Variants in IPO7 observed in about 807,000 individuals in gnomAD.
IPO7 encodes importin-7.
A neutral mutation model predicts 136.4 loss-of-function variants in IPO7; 13 were observed. That is an observed-to-expected ratio of 0.10 (90% CI 0.06 to 0.15). The LOEUF (loss-of-function observed/expected upper bound fraction) is 0.15. Ranked by LOEUF, IPO7 falls within the 10% of genes least tolerant of loss-of-function variation. The probability of loss-of-function intolerance (pLI) is 1.00; values close to 1 mark genes in which losing one functional copy is unlikely to be tolerated. For synonymous variants in IPO7, 403 were observed against 404.4 expected (o/e 1.00, Z 0.04); for missense variants, 857 against 1,240.6 (o/e 0.69, Z 4.65).
At chr11:9,412,392 T>A (rs4910465) in intron 4 of IPO7, among the ~76,000 whole-genome samples, 66,097 of 152,126 alleles carry the variant, frequency 0.43, 17,033 homozygotes, top group Non-Finnish European at 0.57. Flanking sequence ...TGGGATGTGC[T>A]ATGGAAAACC....
chr11:9,403,164 C>G, intron 1 of IPO7, 126 bp from the exon 2 acceptor site: 3 of 689,604 alleles, frequency 4.4e-6, no homozygotes, highest in Non-Finnish European at 7.7e-6. Flanking sequence ...AGAAATAAGA[C>G]TGGAACCAGT....
chr11:9,387,519 A>G (rs1854568242), intron 1 of IPO7, among the ~76,000 whole-genome samples: 1 of 152,126 alleles, frequency 6.6e-6, no homozygotes, highest in South Asian at 2.1e-4. Context: ...TGTCATACAT[A>G]TTTGGCTTAC....
At chr11:9,398,681 A>G (rs1854750005) in intron 1 of IPO7, among the ~76,000 whole-genome samples, 1 of 152,252 alleles carries the variant, frequency 6.6e-6, no homozygotes, top group Non-Finnish European at 1.5e-5. Flanking sequence ...CGTAATGATC[A>G]AATCAGGGTA....
At chr11:9,431,673 A>T (rs556324334) in intron 16 of IPO7, among the ~76,000 whole-genome samples, 22 of 152,106 alleles carry the variant, frequency 1.4e-4, no homozygotes, top group Non-Finnish European at 2.2e-4. Context: ...TCCATTTTTT[A>T]AAAAATCCAT....
rs763129903 is a variant in IPO7 at position 9,437,903 on chromosome 11, C to G, written c.2418C>G (p.Phe806Leu). 3 of 1,613,860 alleles carry G rather than the reference C, an allele frequency of 1.9e-6. No homozygotes were observed. Among genetic ancestry groups the G allele is most frequent in the Non-Finnish European group, 2.5e-6 (3 of 1,179,826 alleles). The change falls in exon 21 of 25, where the codon TTC (phenylalanine) becomes TTG (leucine). Residue 806 changes from phenylalanine (F) to leucine (L), a missense_variant. Coordinates refer to ENST00000379719, the MANE Select transcript of IPO7 (RefSeq NM_006391.3). The part of the protein sequence containing the change: ...LLLNTLENLR[F>L]PNNVEPVTNH... The stretch of plus-strand genomic sequence containing the variant: ...TCAATACCTTAGAAAATCTTCGCTT[C>G]CCTAATAATGTTGAACCAGTTACAA...
At chr11:9,390,784 T>G (rs1564990180) in intron 1 of IPO7, among the ~76,000 whole-genome samples, 2 of 152,218 alleles carry the variant, frequency 1.3e-5, no homozygotes, top group African/African-American at 2.4e-5. Flanking sequence ...AAAATTTTTT[T>G]TTTTAGCCAG....
At chr11:9,391,598 T>C (rs1854633861) in intron 1 of IPO7, among the ~76,000 whole-genome samples, 1 of 151,940 alleles carries the variant, frequency 6.6e-6, no homozygotes, top group Non-Finnish European at 1.5e-5. Flanking sequence ...TTCCACCTAC[T>C]CAGGAGGCTG....
At chr11:9,435,500 G>A (rs1321687977) in intron 19 of IPO7, among the ~76,000 whole-genome samples, 1 of 152,160 alleles carries the variant, frequency 6.6e-6, no homozygotes, top group Non-Finnish European at 1.5e-5. Context: ...TTAATTTCTA[G>A]CAATGTCTGT....
In IPO7 at chr11:9,410,010, T is replaced by G; in HGVS notation, c.403T>G (p.Phe135Val). ...RWTAIVDKIG[F>V]YLQSDNSACW... ...GACTGCCATTGTGGACAAAATTGGC[T>G]TTTATCTTCAGTCCGATAACAGTGC... is the stretch of plus-strand genomic sequence containing the variant. Residue 135 changes from phenylalanine to valine, a missense_variant, in exon 4 of 25, where the codon TTT becomes GTT. Around this residue, in one of 11 missense-constraint regions of IPO7, gnomAD observed 287 missense variants for 307.5 expected, o/e 0.93. Coordinates refer to ENST00000379719, the MANE Select transcript of IPO7 (RefSeq NM_006391.3). The G allele has an allele frequency of 6.8e-6, 11 of 1,608,200 alleles. No individual in the cohort carries two copies. Among genetic ancestry groups the G allele is most frequent in the Non-Finnish European group, 9.3e-6 (11 of 1,177,692 alleles).
chr11:9,438,250 A>G lies in IPO7; in HGVS notation c.2660A>G (p.Asp887Gly). 6.3e-7 allele frequency: 1 copy of G among 1,575,602 alleles called. No homozygotes were observed. The highest frequency in any genetic ancestry group is 8.7e-7 in the Non-Finnish European group (1 of 1,146,570). The change falls in exon 22 of 25, where the codon GAT becomes GGT. Residue 887 changes from aspartate (D) to glycine (G), a missense_variant. Transcript: ENST00000379719. Reference sequence around the variant, plus strand: ...CATGCAGAACATGAGAATGACAGTGATGATGATGATGAAGCTGAAGATGAT... The same window carrying G: ...CATGCAGAACATGAGAATGACAGTGGTGATGATGATGAAGCTGAAGATGAT... ...ACHAEHENDS[D>G]DDDEAEDDDE...
At chr11:9,424,131 C>G (rs1855171010) in intron 10 of IPO7, among the ~76,000 whole-genome samples, 1 of 152,140 alleles carries the variant, frequency 6.6e-6, no homozygotes, top group Non-Finnish European at 1.5e-5. Context: ...CAAGATTACA[C>G]CTCAACACTA....
chr11:9,430,166 A>C (rs139445976), intron 15 of IPO7, among the ~76,000 whole-genome samples: 404 of 152,218 alleles, frequency 2.7e-3, no homozygotes, highest in East Asian at 0.011. Flanking sequence ...TGCTCCTAAC[A>C]GGCCATGGAC....
chr11:9,385,739 C>G (rs1854543815), intron 1 of IPO7, among the ~76,000 whole-genome samples: 1 of 151,808 alleles, frequency 6.6e-6, no homozygotes, highest in African/African-American at 2.4e-5. Flanking sequence ...TTTTTTTCCC[C>G]CATATTTTGT....
intron 22 of IPO7, among the ~76,000 whole-genome samples, chr11:9,438,629 TAA>T (rs199574856): frequency 1.3e-5 from 2 of 150,672 alleles, no homozygotes; most frequent in Non-Finnish European, 3.0e-5. Context: ...CATCTCAGAT[TAA>T]AAAAAAATAT....
chr11:9,421,952 G>C (rs1855138194), intron 8 of IPO7, among the ~76,000 whole-genome samples: 1 of 150,750 alleles, frequency 6.6e-6, no homozygotes, highest in African/African-American at 2.4e-5. Flanking sequence ...TCAAAAAAAA[G>C]AAAACTTGTT....
chr11:9,440,742 T>G, intron 23 of IPO7, 81 bp downstream of exon 23: 1 of 1,139,164 alleles, frequency 8.8e-7, no homozygotes, highest in Non-Finnish European at 1.3e-6. Flanking sequence ...AGGAAGAGTT[T>G]GGAGGATATC....
Position 9,402,313 on chromosome 11 carries a change from T to C in IPO7, c.85-977T>C, listed in dbSNP as rs1394573593. Among the ~76,000 whole-genome samples, 6 of 136,476 alleles carry C rather than the reference T, an allele frequency of 4.4e-5. No homozygotes were observed. In the Admixed American group the frequency reaches 5.2e-4, roughly 12 times the overall value. The allele number at this position is 136,476 out of a possible 152,430, so 89.5% of individuals were successfully genotyped here. A position where few individuals can be genotyped will look rare whatever the true frequency, so the allele number is the denominator to read the frequency against. ...TACTCAGGAGGCTGAGGCAGAAGAA[T>C]CGCTTGAACCCAGGAGGCAGAGGTT... On this transcript the variant is annotated intron_variant, in intron 1 of 24. Transcript: ENST00000379719.
intron 22 of IPO7, among the ~76,000 whole-genome samples, chr11:9,438,739 G>A (rs1048876756): frequency 2.6e-5 from 4 of 152,144 alleles, no homozygotes; most frequent in African/African-American, 9.7e-5. Context: ...CTAGAGTGAT[G>A]TAATCAGGAA....
At chr11:9,400,488 C>T (rs530289050) in intron 1 of IPO7, among the ~76,000 whole-genome samples, 5 of 152,010 alleles carry the variant, frequency 3.3e-5, no homozygotes, top group African/African-American at 1.2e-4. Context: ...GTGGCGCGAT[C>T]TCGGCTCACT....
Sources: allele counts gnomAD v4.1 joint callset (sites outside exome capture counted in the v4.1 genomes callset), GRCh38; gene constraint gnomAD v4.1.1; regional missense constraint gnomAD v4.1.1; transcripts MANE v1.5; gene names NCBI Gene and HGNC (gene_info 2026-07-23, HGNC 2026-07-21).